The following FAM186B variants were observed in gnomAD, a reference collection of about 807,000 sequenced individuals.
FAM186B encodes protein FAM186B.
Under a neutral mutation model 83.4 loss-of-function variants are expected in FAM186B, and 68 were observed. The observed-to-expected ratio is 0.81, with a 90% CI of 0.67 to 1.00. The LOEUF (loss-of-function observed/expected upper bound fraction) is 1.00. Ranked by LOEUF, FAM186B falls within the 50% of genes least tolerant of loss-of-function variation. The probability of loss-of-function intolerance (pLI) is 0.00; values close to 1 mark genes in which losing one functional copy is unlikely to be tolerated. For missense variants in FAM186B, 983 were observed against 1,099.2 expected, an observed-to-expected ratio of 0.89 and a Z score of 1.49; for synonymous variants, 389 against 422.0, an observed-to-expected ratio of 0.92 and a Z score of 0.96.
At chr12:49,588,206 C>T (rs987359801) in intron 6 of FAM186B, among the ~76,000 whole-genome samples, 3 of 152,190 alleles carry the variant, frequency 2.0e-5, no homozygotes, top group Non-Finnish European at 4.4e-5. Context: ...AGAGTCTTTC[C>T]GTCGCATAGT....
At chr12:49,584,904 C>G (rs1486970995), downstream of FAM186B, among the ~76,000 whole-genome samples, 1 of 152,176 alleles carries the variant, frequency 6.6e-6, no homozygotes, top group Non-Finnish European at 1.5e-5. Flanking sequence ...CCCATCTAGT[C>G]TCTTTCCCAG....
chr12:49,614,141 ACT>A, the FAM186B span, among the ~76,000 whole-genome samples: 47 of 150,714 alleles, frequency 3.1e-4, no homozygotes, highest in South Asian at 9.4e-3. Context: ...CAAGAGTGAA[ACT>A]CTGTCTCAAA....
In FAM186B at chr12:49,600,210, T is replaced by C; in HGVS notation, c.1430A>G (p.Glu477Gly). ...SSRQVTSESQ[E>G]EPWEEEFGRE... The stretch of plus-strand genomic sequence containing the variant: ...GCCGAATTCCTCCTCCCAGGGCTCC[T>C]CTTGGCTCTCAGAGGTCACCTGCCT... Residue 477 changes from glutamate (E) to glycine (G), a missense_variant, in exon 4 of 7, where the codon GAG (glutamate) becomes GGG (glycine). Transcript: ENST00000257894. This position sits in a 1 kb window ranked among gnomAD's most constrained non-coding sequence, Gnocchi z 4.3. The C allele has an allele frequency of 6.2e-7, 1 of 1,612,740 alleles. No individual in the cohort carries two copies. The highest frequency in any genetic ancestry group is 2.2e-5 in the East Asian group (1 of 44,862).
Position 49,600,801 on chromosome 12 carries a change from T to C in FAM186B, c.839A>G (p.Gln280Arg). The change falls in exon 4 of 7, where the codon CAG (glutamine) becomes CGG (arginine). Residue 280 changes from glutamine to arginine, a missense_variant. Transcript: ENST00000257894. This position sits in a 1 kb window ranked among gnomAD's most constrained non-coding sequence, Gnocchi z 4.3. ...GCTCTCAAGGACCTCCATGAACTGC[T>C]GGAAGTGCAGCCTCTGGCTGCTGAG... Reference protein sequence around the residue: ...KELSSQRLHFQQFMEVLESRR... With the variant: ...KELSSQRLHFRQFMEVLESRR... The C allele has an allele frequency of 6.2e-7, 1 of 1,612,202 alleles. No homozygotes were observed. Among genetic ancestry groups the C allele is most frequent in the Non-Finnish European group, 8.5e-7 (1 of 1,178,856 alleles).
At position 49,600,142 on chromosome 12, in the gene FAM186B, A is replaced by T; in HGVS notation, c.1498T>A (p.Trp500Arg). ...RQLWLEEEEM[W>R]QQRQKKWALL... ...GCCCACTTCTTCTGCCGCTGCTGCCACATCTCCTCCTCCTCCAGCCACAGC... is the reference window on the plus strand; with the variant it reads ...GCCCACTTCTTCTGCCGCTGCTGCCTCATCTCCTCCTCCTCCAGCCACAGC... Residue 500 changes from tryptophan (W) to arginine (R), a missense_variant, in exon 4 of 7, where the codon TGG (tryptophan) becomes AGG (arginine). Trp to Arg is a moderately radical substitution (Grantham distance 101). Transcript: ENST00000257894. This position sits in a 1 kb window ranked among gnomAD's most constrained non-coding sequence, Gnocchi z 4.3. 6.2e-7 allele frequency: 1 copy of T among 1,613,704 alleles called. No individual in the cohort carries two copies. The highest frequency in any genetic ancestry group is 8.5e-7 in the Non-Finnish European group (1 of 1,179,798).
downstream of FAM186B, chr12:49,583,558 C>G (rs1435229054): frequency 6.5e-6 from 1 of 154,850 alleles, no homozygotes; most frequent in South Asian, 2.0e-4. Context: ...TCCTCCCACA[C>G]TAGGCATCCT....
chr12:49,621,365 C>G, the FAM186B span, among the ~76,000 whole-genome samples: 1 of 152,162 alleles, frequency 6.6e-6, no homozygotes, highest in Non-Finnish European at 1.5e-5. Context: ...GAGCGAGACT[C>G]TGTCTCAAAA....
In FAM186B at chr12:49,600,091, T is replaced by A. The variant is rs1345880181; in HGVS notation, c.1549A>T (p.Lys517Ter). ...TCTTCCAGATTCCACTGCCGCAGCT[T>A]CTCCTGATGCTCCTGCTCCAGCAGG... is the stretch of plus-strand genomic sequence containing the variant. Reference protein sequence around the residue: ...WALLEQEHQEKLRQWNLEDLA... With the variant: ...WALLEQEHQE Residue 517 changes from lysine (K) to a stop codon, truncating the protein, a stop_gained, in exon 4 of 7, where the codon AAG becomes TAG. Transcript: ENST00000257894. LOFTEE classifies it high-confidence loss of function. This position sits in a 1 kb window ranked among gnomAD's most constrained non-coding sequence, Gnocchi z 4.3. 2 of 1,610,412 alleles carry A rather than the reference T, an allele frequency of 1.2e-6. No individual in the cohort carries two copies. Among genetic ancestry groups the A allele is most frequent in the Non-Finnish European group, 1.7e-6 (2 of 1,178,108 alleles).
intron 3 of FAM186B, among the ~76,000 whole-genome samples, chr12:49,601,892 C>G (rs1160691064): frequency 6.6e-6 from 1 of 152,100 alleles, no homozygotes; most frequent in Non-Finnish European, 1.5e-5. Flanking sequence ...ATGCTAACTT[C>G]AGATGAGGGG....
chr12:49,585,974 A>C (rs1939434538), downstream of FAM186B, among the ~76,000 whole-genome samples: 2 of 152,176 alleles, frequency 1.3e-5, no homozygotes, highest in South Asian at 4.1e-4. Context: ...GGACCCCAAG[A>C]CAATGCAGGG....
At chr12:49,599,143 CAGAA>C (rs1009610865) in intron 4 of FAM186B, among the ~76,000 whole-genome samples, 196 bp from the exon 5 acceptor site, 8 of 151,816 alleles carry the variant, frequency 5.3e-5, no homozygotes, top group African/African-American at 1.9e-4. Flanking sequence ...TGGGATGAAA[CAGAA>C]AGAGAAAGGA....
At chr12:49,605,691 T>C, upstream of FAM186B, 5 of 488,152 alleles carry the variant, frequency 1.0e-5, no homozygotes. Flanking sequence ...AATTAGGAGA[T>C]GAGACTCCCC....
the FAM186B span, among the ~76,000 whole-genome samples, chr12:49,615,372 T>C: frequency 6.6e-6 from 1 of 152,240 alleles, no homozygotes; most frequent in Non-Finnish European, 1.5e-5. Flanking sequence ...AGCTACTGAC[T>C]AGACTAAAAA....
At position 49,600,161 on chromosome 12, in the gene FAM186B, C is replaced by T. The variant is rs1281485360; in HGVS notation, c.1479G>A (p.Trp493Ter). Residue 493 changes from tryptophan (W) to a stop codon, truncating the protein, a stop_gained, in exon 4 of 7, where the codon TGG becomes TGA. Transcript: ENST00000257894. LOFTEE classifies it high-confidence loss of function. This position sits in a 1 kb window ranked among gnomAD's most constrained non-coding sequence, Gnocchi z 4.3. ...GCTGCCACATCTCCTCCTCCTCCAG[C>T]CACAGCTGCCTCCGCATCTCCCGGC... Reference protein sequence around the residue: ...EFGREMRRQLWLEEEEMWQQR... With the variant: ...EFGREMRRQL 4 of 1,613,694 alleles carry T rather than the reference C, an allele frequency of 2.5e-6. No individual in the cohort carries two copies.
Position 49,600,817 on chromosome 12 carries a change from GGCT to G in FAM186B, c.820_822del (p.Ser274del), listed in dbSNP as rs1383140129. The stretch of plus-strand genomic sequence containing the variant: ...ATGAACTGCTGGAAGTGCAGCCTCT[GGCT>G]GCTGAGCTCTTTGGTCGCCTGCATT... On this transcript the variant is annotated inframe_deletion, in exon 4 of 7. Transcript: ENST00000257894. This position sits in a 1 kb window ranked among gnomAD's most constrained non-coding sequence, Gnocchi z 4.3. The G allele has an allele frequency of 1.9e-6, 3 of 1,612,192 alleles. No homozygotes were observed.
chr12:49,603,352 T>C lies in FAM186B; in HGVS notation c.338A>G (p.Tyr113Cys), dbSNP rs760072324. The C allele has an allele frequency of 4.3e-6, 7 of 1,614,150 alleles. No individual in the cohort carries two copies. Among genetic ancestry groups the C allele is most frequent in the South Asian group, 2.2e-5 (2 of 91,082 alleles). ...TTCACTCTTCCTGGGCCCAATCTCA[T>C]AGGTCAGAGTGTCACCTGGAGAAGG... ...WLGDWGDTLT[Y>C]EIGPRKSEEE... The change falls in exon 3 of 7, where the codon TAT becomes TGT. Residue 113 changes from tyrosine to cysteine, a missense_variant. Transcript: ENST00000257894.
intron 1 of FAM186B, 166 bp downstream of exon 1, chr12:49,605,216 G>A (rs991771790): frequency 1.4e-6 from 2 of 1,459,916 alleles, no homozygotes; most frequent in African/African-American, 1.4e-5. Flanking sequence ...TATATGCCAA[G>A]TTTAGGAGAG....
chr12:49,587,631 G>A lies in FAM186B; in HGVS notation c.2656C>T (p.Pro886Ser). 1 of 1,613,540 alleles carries A rather than the reference G, an allele frequency of 6.2e-7. No homozygotes were observed. Among genetic ancestry groups the A allele is most frequent in the African/African-American group, 1.3e-5 (1 of 75,002 alleles). Residue 886 changes from proline (P) to serine (S), a missense_variant, in exon 7 of 7, where the codon CCC becomes TCC. Coordinates refer to ENST00000257894, the MANE Select transcript of FAM186B (RefSeq NM_032130.3). ...TACACGTCCAGTGTCAACAGCCGGGGAATATCTGGGTGTCCCCTCAGCTGG... is the reference window on the plus strand; with the variant it reads ...TACACGTCCAGTGTCAACAGCCGGGAAATATCTGGGTGTCCCCTCAGCTGG... Reference protein sequence around the residue: ...RDQLRGHPDIPRLLTLDV With the variant: ...RDQLRGHPDISRLLTLDV
chr12:49,588,741 T>A, intron 5 of FAM186B, 118 bp from the exon 6 acceptor site: 1 of 1,018,070 alleles, frequency 9.8e-7, no homozygotes, highest in Non-Finnish European at 1.4e-6. Flanking sequence ...GTGGAGAGGG[T>A]AAGGCCCAGG....
Sources: allele counts gnomAD v4.1 joint callset (sites outside exome capture counted in the v4.1 genomes callset), GRCh38; gene constraint gnomAD v4.1.1; non-coding constraint Gnocchi (gnomAD v3.1); transcripts MANE v1.5; gene names NCBI Gene and HGNC (gene_info 2026-07-23, HGNC 2026-07-21).